Variants in FGFR2 observed in about 807,000 individuals in gnomAD.
FGFR2 encodes the protein BEK fibroblast growth factor receptor.
In FGFR2, 19 loss-of-function variants were observed where a neutral mutation model predicts 95.9. The observed-to-expected ratio is 0.20, with a 90% confidence interval of 0.14 to 0.29. FGFR2 has a LOEUF of 0.29. Among genes scored for constraint, FGFR2 ranks in the 10% least tolerant of loss-of-function variants. FGFR2 has a pLI of 1.00. For missense variants in FGFR2, 707 were observed against 1,056.9 expected (o/e 0.67, Z 4.59); for synonymous variants, 392 against 393.3 (o/e 1.00, Z 0.04).
chr10:121,515,055 A>G (rs1050057363), intron 9 of FGFR2, 62 bp downstream of exon 9: 6 of 1,515,312 alleles, frequency 4.0e-6, no homozygotes, highest in African/African-American at 2.7e-5. Context: ...AGAGGACAAG[A>G]TCCACAAGCT....
At chr10:121,534,053 A>G (rs1003175593) in intron 6 of FGFR2, among the ~76,000 whole-genome samples, 1 of 148,454 alleles carries the variant, frequency 6.7e-6, no homozygotes, top group East Asian at 2.0e-4. Context: ...GGAAATGTCA[A>G]TGTCAGCCTC....
chr10:121,497,695 C>A (rs1459788173), intron 12 of FGFR2, among the ~76,000 whole-genome samples: 2 of 152,158 alleles, frequency 1.3e-5, no homozygotes, highest in African/African-American at 4.8e-5. Flanking sequence ...CTACAGCCTG[C>A]AAGCCAAATC....
chr10:121,514,064 A>G (rs1236425106), intron 9 of FGFR2, among the ~76,000 whole-genome samples: 3 of 152,194 alleles, frequency 2.0e-5, no homozygotes, highest in African/African-American at 7.2e-5. Context: ...TGTAAAATGC[A>G]GATTCCTGGC....
In FGFR2 at chr10:121,565,561, T is replaced by C. The variant is rs1315026296; in HGVS notation, c.253A>G (p.Thr85Ala). ...TGCAAGTACTCCCCAATAAGCACTG[T>C]CCTATTGTTGGGCCCCAAGTGCACC... ...DGVHLGPNNR[T>A]VLIGEYLQIK... Residue 85 changes from threonine to alanine, a missense_variant, in exon 3 of 18, where the codon ACA (threonine) becomes GCA (alanine). This residue lies in a region of FGFR2 where 178 missense variants were observed against 194.1 expected (regional missense o/e 0.92). Coordinates refer to ENST00000358487, the MANE Select transcript of FGFR2 (RefSeq NM_000141.5). 1 of 1,614,084 alleles carries C rather than the reference T, an allele frequency of 6.2e-7. No homozygotes were observed. Among genetic ancestry groups the C allele is most frequent in the East Asian group, 2.2e-5 (1 of 44,894 alleles).
rs555545763 is a variant in FGFR2 at position 121,595,918 on chromosome 10, C to A, written c.-150-1951G>T. Among the ~76,000 whole-genome samples the A allele has an allele frequency of 1.6e-4, 24 of 152,326 alleles. No individual in the cohort carries two copies. The South Asian group carries it at 4.6e-3, about 29-fold the overall frequency. ...TCCAGGTCCAAACCCCACGGCAGCCCCCTCCCCAAAACTCTGGAAGGCGGA... is the reference window on the plus strand; with the variant it reads ...TCCAGGTCCAAACCCCACGGCAGCCACCTCCCCAAAACTCTGGAAGGCGGA... On this transcript the variant is annotated intron_variant, in intron 1 of 17. Coordinates refer to ENST00000358487, the MANE Select transcript of FGFR2 (RefSeq NM_000141.5).
chr10:121,565,176 CAAAAAA>C (rs71865754), intron 3 of FGFR2, among the ~76,000 whole-genome samples: 2 of 97,990 alleles, frequency 2.0e-5, no homozygotes, highest in African/African-American at 7.2e-5. Context: ...GTCAGTGGTA[CAAAAAA>C]AAAAAAAAAA....
intron 2 of FGFR2, 133 bp from the exon 3 acceptor site, chr10:121,565,837 G>T: frequency 9.7e-7 from 1 of 1,032,878 alleles, no homozygotes; most frequent in Non-Finnish European, 1.5e-6. Context: ...GCCCCAGCAG[G>T]CATCCACCTC....
At chr10:121,573,351 G>A (rs1289084110) in intron 2 of FGFR2, among the ~76,000 whole-genome samples, 1 of 152,158 alleles carries the variant, frequency 6.6e-6, no homozygotes, top group East Asian at 1.9e-4. Flanking sequence ...GGTTTCCCAG[G>A]GATGGTGTCT....
At chr10:121,556,768 A>G (rs908567920) in intron 4 of FGFR2, among the ~76,000 whole-genome samples, 1 of 152,180 alleles carries the variant, frequency 6.6e-6, no homozygotes, top group African/African-American at 2.4e-5. Flanking sequence ...AAAAAATTTT[A>G]AAAACACAGC....
chr10:121,487,272 A>G, intron 15 of FGFR2, 82 bp downstream of exon 15: 5 of 1,123,204 alleles, frequency 4.5e-6, no homozygotes, highest in Non-Finnish European at 6.8e-6. Flanking sequence ...AGCAGCCACT[A>G]AAGAAGGAAG....
In FGFR2 at chr10:121,564,588, A is replaced by G; in HGVS notation, c.377-9T>C. ...TCCGGATGAGATGGCATCTGTATGC[A>G]AAAGAACATATTCCATGGATGTGTT... On this transcript the variant is annotated splice_polypyrimidine_tract_variant and intron_variant, in intron 3 of 17. Transcript: ENST00000358487. The G allele has an allele frequency of 6.2e-7, 1 of 1,613,260 alleles. No homozygotes were observed.
At chr10:121,582,919 AACCAGCCTCGATTC>A (rs1359710930) in intron 2 of FGFR2, among the ~76,000 whole-genome samples, 2 of 152,220 alleles carry the variant, frequency 1.3e-5, no homozygotes, top group African/African-American at 4.8e-5. Context: ...CAGCTGCCTA[AACCAGCCTCGATTC>A]ACCTACACAT....
At chr10:121,543,944 A>T (rs1414092449) in intron 5 of FGFR2, among the ~76,000 whole-genome samples, 1 of 152,198 alleles carries the variant, frequency 6.6e-6, no homozygotes, top group Non-Finnish European at 1.5e-5. Context: ...TGTTGAACTT[A>T]GCTCTTTAAA....
intron 4 of FGFR2, among the ~76,000 whole-genome samples, chr10:121,557,848 T>G (rs1388443595): frequency 1.3e-5 from 2 of 152,168 alleles, no homozygotes; most frequent in African/African-American, 4.8e-5. Context: ...GTTTGGAATC[T>G]CAGGCTAACT....
rs1308897673 is a variant in FGFR2, at chr10:121,481,836, T to TA, written c.2302-1816_2302-1815insT. On this transcript the variant is annotated intron_variant, in intron 17 of 17. Coordinates refer to ENST00000358487, the MANE Select transcript of FGFR2 (RefSeq NM_000141.5). The stretch of plus-strand genomic sequence containing the variant: ...TTTTCCCGGTTTCTTTCTTTTTTAT[T>TA]TTTATTTTTTTTTTTTTTGAGACGG... The TA allele has an allele frequency of 6.9e-5, 13 of 188,878 alleles. 1 individual carries two copies. Among genetic ancestry groups the TA allele is most frequent in the African/African-American group, 2.6e-4 (10 of 38,936 alleles). 11.7% of individuals were successfully genotyped at this position (188,878 alleles called of 1,614,324 possible). A position where few individuals can be genotyped will look rare whatever the true frequency, so the allele number is the denominator to read the frequency against.
At chr10:121,561,839 G>A (rs760557801) in intron 4 of FGFR2, among the ~76,000 whole-genome samples, 3 of 152,286 alleles carry the variant, frequency 2.0e-5, no homozygotes, top group East Asian at 1.9e-4. Flanking sequence ...CTTATAACTC[G>A]ACAGTAAGAA....
intron 6 of FGFR2, among the ~76,000 whole-genome samples, chr10:121,532,073 G>A (rs1488048977): frequency 2.0e-5 from 3 of 152,174 alleles, no homozygotes; most frequent in Non-Finnish European, 2.9e-5. Flanking sequence ...TGCAGAGCCC[G>A]TGTCAGGGTA....
chr10:121,548,995 TCCA>T (rs1192250552), intron 5 of FGFR2, among the ~76,000 whole-genome samples: 12 of 152,132 alleles, frequency 7.9e-5, no homozygotes, highest in African/African-American at 2.9e-4. Context: ...GCCTCCTGCT[TCCA>T]CCACCAAGTA....
intron 6 of FGFR2, 78 bp from the exon 7 acceptor site, chr10:121,520,247 G>T: frequency 7.0e-7 from 1 of 1,436,264 alleles, no homozygotes. Flanking sequence ...TGTCCAGAGG[G>T]CTGTCAGTGA....
Sources: gnomAD v4.1 joint callset for allele counts (sites outside exome capture counted in the v4.1 genomes callset) on GRCh38, gnomAD v4.1.1 for gene constraint, gnomAD v4.1.1 regional missense constraint, MANE v1.5 for transcripts, NCBI Gene and HGNC (gene_info 2026-07-23, HGNC 2026-07-21) for gene names.